FIGLA: variants seen among roughly 807,000 people sequenced by gnomAD.
FIGLA encodes factor in the germline alpha.
FIGLA carries 17 observed loss-of-function variants against 21.5 expected under a neutral mutation model. The observed-to-expected ratio is 0.79, with a 90% CI of 0.54 to 1.19. FIGLA has a LOEUF of 1.19. FIGLA is among the 50% of genes most tolerant of loss of function. The pLI is 0.00. For synonymous variants in FIGLA, 129 were observed against 117.6 expected (o/e 1.10, Z -0.63); for missense variants, 282 against 285.0 (o/e 0.99, Z 0.08).
chr2:70,781,300 C>T lies in FIGLA; in HGVS notation c.610-3629G>A, dbSNP rs144007322. On this transcript the variant is annotated intron_variant, in intron 3 of 4. Transcript: ENST00000332372. ...GGCATCCTCAGATAAGTGGCTGATT[C>T]CAGGGCTGGGATAGAAAAGTACAAG... Among the ~76,000 whole-genome samples, 175 of 152,146 alleles carry T rather than the reference C, an allele frequency of 1.2e-3. 1 individual carries two copies. The highest frequency in any genetic ancestry group is 2.0e-3 in the Non-Finnish European group (139 of 67,990).
chr2:70,789,017 A>G (rs1347374289), intron 1 of FIGLA, among the ~76,000 whole-genome samples: 2 of 152,242 alleles, frequency 1.3e-5, no homozygotes, highest in Non-Finnish European at 2.9e-5. Context: ...AAGAGACTGA[A>G]TACATTATGG....
intron 2 of FIGLA, among the ~76,000 whole-genome samples, chr2:70,786,503 A>G (rs962022417): frequency 6.6e-6 from 1 of 152,032 alleles, no homozygotes; most frequent in South Asian, 2.1e-4. Flanking sequence ...ATGGGGTTTC[A>G]CCATGTTAGC....
Position 70,785,539 on chromosome 2 carries a change from C to T in FIGLA, c.485G>A (p.Cys162Tyr), listed in dbSNP as rs200748018. 6.2e-7 allele frequency: 1 copy of T among 1,613,990 alleles called. No individual in the cohort carries two copies. Among genetic ancestry groups the T allele is most frequent in the Non-Finnish European group, 8.5e-7 (1 of 1,179,892 alleles). ...LSRNITQHIS[C>Y]AFGLKNEEEG... ...CTCTTCATTCTTCAAGCCGAAAGCA[C>T]AGCTGATATGTTGGGTGATGTTTCT... The change falls in exon 3 of 5, where the codon TGT becomes TAT. Residue 162 changes from cysteine (C) to tyrosine (Y), a missense_variant. Physicochemically the swap from Cys to Tyr is radical, Grantham distance 194 (BLOSUM62 -2). Transcript: ENST00000332372.
intron 3 of FIGLA, among the ~76,000 whole-genome samples, chr2:70,784,983 A>C (rs2104600104): frequency 6.6e-6 from 1 of 150,564 alleles, no homozygotes; most frequent in Non-Finnish European, 1.5e-5. Flanking sequence ...ATGCATCTTT[A>C]TGTATGGCAA....
At chr2:70,789,931 C>G (rs1676027428) in intron 1 of FIGLA, among the ~76,000 whole-genome samples, 1 of 152,176 alleles carries the variant, frequency 6.6e-6, no homozygotes, top group Non-Finnish European at 1.5e-5. Flanking sequence ...AGAAAAGTCA[C>G]TTCCGTCAGG....
At position 70,785,796 on chromosome 2, in the gene FIGLA, C is replaced by T. The variant is rs143238048; in HGVS notation, c.385-157G>A. 1.8e-3 allele frequency among the ~76,000 whole-genome samples: 278 copies of T among 152,268 alleles called. 1 individual carries two copies. The highest frequency in any genetic ancestry group is 6.4e-3 in the African/African-American group (266 of 41,542). ...GAGAGAAAAGCATTGTTCAATTGAC[C>T]GTATTTTGTTCTCCTATCATCTTAA... is the stretch of plus-strand genomic sequence containing the variant. On this transcript the variant is annotated intron_variant, in intron 2 of 4. Transcript: ENST00000332372.
rs1365405038 is a variant in FIGLA at position 70,790,552 on chromosome 2, C to G, written c.87G>C (p.Val29=). Residue 29 remains valine, a synonymous_variant, in exon 1 of 5, where the codon GTG becomes GTC. Transcript: ENST00000332372. Reference sequence around the variant, plus strand: ...GCAGCGGCCCGAACTGCTCCCGCAACACGTCCTCCAGCACCTCGGCTTGCG... The same window carrying G: ...GCAGCGGCCCGAACTGCTCCCGCAAGACGTCCTCCAGCACCTCGGCTTGCG... ...GTPQAEVLED[V]LREQFGPLPQ... 1.1e-5 allele frequency: 17 copies of G among 1,532,164 alleles called. No individual in the cohort carries two copies. Among genetic ancestry groups the G allele is most frequent in the Middle Eastern group, 3.5e-4 (2 of 5,768 alleles). 94.9% of individuals were successfully genotyped at this position (1,532,164 alleles called of 1,614,324 possible). A position where few individuals can be genotyped will look rare whatever the true frequency, so the allele number is the denominator to read the frequency against.
chr2:70,778,511 A>C (rs1219682801), intron 3 of FIGLA, among the ~76,000 whole-genome samples: 1 of 149,048 alleles, frequency 6.7e-6, no homozygotes, highest in East Asian at 2.0e-4. Flanking sequence ...AATTTTTTTC[A>C]TATTTAGAAT....
At position 70,785,457 on chromosome 2, in the gene FIGLA, A is replaced by G. The variant is rs1675934390; in HGVS notation, c.567T>C (p.Ser189=). The change falls in exon 3 of 5, where the codon AGT becomes AGC. Residue 189 remains serine (S), a synonymous_variant. Coordinates refer to ENST00000332372, the MANE Select transcript of FIGLA (RefSeq NM_001004311.3). The part of the protein sequence containing the change: ...SGEPAHACRH[S]VMSTTEIISP... ...AGATAATTTCAGTCGTAGACATCAC[A>G]CTGTGGCGACAAGCGTGTGCTGGCT... is the stretch of plus-strand genomic sequence containing the variant. 1.9e-6 allele frequency: 3 copies of G among 1,613,880 alleles called. No homozygotes were observed. The Admixed American group carries it at 5.0e-5, about 27-fold the overall frequency.
chr2:70,790,375 G>C, intron 1 of FIGLA, 33 bp downstream of exon 1: 2 of 1,493,616 alleles, frequency 1.3e-6, no homozygotes, highest in Non-Finnish European at 1.8e-6. Flanking sequence ...GCAGGGAAGG[G>C]GGGAACGGAC....
At chr2:70,782,226 A>T (rs1675868394) in intron 3 of FIGLA, among the ~76,000 whole-genome samples, 1 of 152,260 alleles carries the variant, frequency 6.6e-6, no homozygotes, top group Admixed American at 6.5e-5. Context: ...GATCAAAGTG[A>T]ATATCCTTAG....
intron 3 of FIGLA, among the ~76,000 whole-genome samples, chr2:70,778,978 T>C (rs1553388739): frequency 6.6e-6 from 1 of 152,202 alleles, no homozygotes; most frequent in Non-Finnish European, 1.5e-5. Flanking sequence ...TCAGTCCCTG[T>C]TCCTATGATA....
At chr2:70,780,932 T>C (rs1249536611) in intron 3 of FIGLA, among the ~76,000 whole-genome samples, 1 of 151,902 alleles carries the variant, frequency 6.6e-6, no homozygotes, top group African/African-American at 2.4e-5. Context: ...GCAAACATGG[T>C]ACAGCCCAAT....
At chr2:70,787,246 T>C (rs77987985) in intron 2 of FIGLA, among the ~76,000 whole-genome samples, 131 of 152,344 alleles carry the variant, frequency 8.6e-4, no homozygotes, top group African/African-American at 3.1e-3. Flanking sequence ...GAAATGCCTC[T>C]TCCTTCCTGT....
rs572463151 is a variant in FIGLA at position 70,788,312 on chromosome 2, A to G, written c.232-511T>C. Among the ~76,000 whole-genome samples, 10 of 152,320 alleles carry G rather than the reference A, an allele frequency of 6.6e-5. No individual in the cohort carries two copies. In the South Asian group the frequency reaches 2.1e-3, roughly 32 times the overall value. ...ACATAGAAAGTCCTCAAGAAGTGGT[A>G]TTGCTGGTGATGAATCAAATGTACA... On this transcript the variant is annotated intron_variant, in intron 1 of 4. Coordinates refer to ENST00000332372, the MANE Select transcript of FIGLA (RefSeq NM_001004311.3).
intron 1 of FIGLA, 88 bp downstream of exon 1, chr2:70,790,320 G>A: frequency 7.4e-7 from 1 of 1,356,308 alleles, no homozygotes; most frequent in Non-Finnish European, 9.7e-7. Context: ...GCGGGGGTGG[G>A]CGGTGAGCGG....
intron 3 of FIGLA, among the ~76,000 whole-genome samples, chr2:70,782,921 G>C (rs1205357978): frequency 2.0e-5 from 3 of 152,064 alleles, no homozygotes; most frequent in Non-Finnish European, 2.9e-5. Context: ...ACAAAAATTA[G>C]CTGGGTGTGG....
chr2:70,782,630 T>G (rs1284460944), intron 3 of FIGLA, among the ~76,000 whole-genome samples: 1 of 152,232 alleles, frequency 6.6e-6, no homozygotes, highest in Non-Finnish European at 1.5e-5. Context: ...CAGGGGAATG[T>G]CCTGTTTGTA....
rs1675783314 is a variant in FIGLA at position 70,777,639 on chromosome 2, G to A, written c.642C>T (p.His214=). 6.3e-7 allele frequency: 1 copy of A among 1,596,498 alleles called. No homozygotes were observed. Among genetic ancestry groups the A allele is most frequent in the African/African-American group, 1.3e-5 (1 of 74,612 alleles). The change falls in exon 4 of 5, where the codon CAC becomes CAT. Residue 214 remains histidine, a splice_region_variant and synonymous_variant. Transcript: ENST00000332372. ...CATCAGGTTATAGAATGACCTACCT[G>A]TGACTCAGCAGTTCTACTTCTGGGA... ...DRFPEVELLS[H]RLPQV
Sources: allele counts gnomAD v4.1 joint callset (sites outside exome capture counted in the v4.1 genomes callset), GRCh38; gene constraint gnomAD v4.1.1; transcripts MANE v1.5; gene names NCBI Gene and HGNC (gene_info 2026-07-23, HGNC 2026-07-21).